UBAP1L: variants seen among roughly 807,000 people sequenced by gnomAD.
The protein encoded by UBAP1L is ubiquitin-associated protein 1-like.
In UBAP1L, 32 loss-of-function variants were observed where a neutral mutation model predicts 32.1. The observed-to-expected ratio is 1.00, with a 90% CI of 0.75 to 1.34. The LOEUF (loss-of-function observed/expected upper bound fraction) is 1.34. UBAP1L is among the 40% of genes most tolerant of loss of function. The pLI is 0.00. For synonymous variants in UBAP1L, 243 were observed against 250.2 expected, an observed-to-expected ratio of 0.97 and a Z score of 0.27; for missense variants, 516 against 540.5, an observed-to-expected ratio of 0.95 and a Z score of 0.45.
Position 65,102,816 on chromosome 15 carries a change from G to A in UBAP1L, c.121-132C>T, listed in dbSNP as rs1460084852. On this transcript the variant is annotated intron_variant, in intron 2 of 5. Transcript: ENST00000559089. The surrounding 1 kb of genome is among the most constrained non-coding windows in gnomAD (Gnocchi z 5.0). Reference sequence around the variant, plus strand: ...GGACAGCGTCAGATTCTGAGCCCCGGGCTTCCATCACAGCCCACTCTACCC... The same window carrying A: ...GGACAGCGTCAGATTCTGAGCCCCGAGCTTCCATCACAGCCCACTCTACCC... 1.2e-5 allele frequency: 10 copies of A among 829,450 alleles called. No individual in the cohort carries two copies. Among genetic ancestry groups the A allele is most frequent in the Non-Finnish European group, 1.8e-5 (10 of 561,014 alleles). The allele number at this position is 829,450 out of a possible 1,614,324, so 51.4% of individuals were successfully genotyped here. A position where few individuals can be genotyped will look rare whatever the true frequency, so the allele number is the denominator to read the frequency against.
intron 4 of UBAP1L, chr15:65,097,680 C>T (rs1426029426): frequency 6.6e-6 from 1 of 152,192 alleles, no homozygotes; most frequent in African/African-American, 2.4e-5. Flanking sequence ...GTTAGCACCC[C>T]TCCCTGCCAT....
At chr15:65,109,492 A>AC (rs1189452995) in intron 1 of UBAP1L, among the ~76,000 whole-genome samples, 112 of 151,096 alleles carry the variant, frequency 7.4e-4, no homozygotes, top group Admixed American at 3.4e-3. Flanking sequence ...CAAAAAAAAA[A>AC]AAAAAAAAAA....
At chr15:65,093,847 C>T (rs974892309) in intron 5 of UBAP1L, among the ~76,000 whole-genome samples, 2 of 152,020 alleles carry the variant, frequency 1.3e-5, no homozygotes, top group Admixed American at 6.6e-5. Flanking sequence ...CATTCGAGAC[C>T]AGCCTGGTCA....
intron 4 of UBAP1L, chr15:65,099,288 C>T: frequency 1.8e-6 from 1 of 566,600 alleles, no homozygotes; most frequent in Non-Finnish European, 3.2e-6. Context: ...TCAGGTCACC[C>T]CCTTCCCACA....
intron 2 of UBAP1L, chr15:65,104,831 C>A: frequency 3.3e-6 from 1 of 305,818 alleles, no homozygotes; most frequent in Non-Finnish European, 6.5e-6. Context: ...CATAGTGAAA[C>A]CCCATCTCTA....
At chr15:65,111,201 C>T (rs930635470) in intron 1 of UBAP1L, among the ~76,000 whole-genome samples, 1 of 152,224 alleles carries the variant, frequency 6.6e-6, no homozygotes, top group Non-Finnish European at 1.5e-5. Flanking sequence ...GCCCCATCAG[C>T]CAGTTCTTAC....
At chr15:65,112,856 C>T (rs28694781) in intron 1 of UBAP1L, among the ~76,000 whole-genome samples, 2 of 152,160 alleles carry the variant, frequency 1.3e-5, no homozygotes, top group Non-Finnish European at 2.9e-5. Flanking sequence ...ATCTCTGATA[C>T]TTTCCTCTCC....
intron 2 of UBAP1L, 154 bp downstream of exon 2, chr15:65,105,942 C>T (rs767218688): frequency 9.2e-7 from 1 of 1,090,326 alleles, no homozygotes; most frequent in Non-Finnish European, 1.3e-6. Flanking sequence ...AGGCACGCGT[C>T]ACCACACCCA....
chr15:65,096,616 T>G (rs1334542275), intron 4 of UBAP1L: 4 of 152,190 alleles, frequency 2.6e-5, no homozygotes, highest in Non-Finnish European at 4.4e-5. Flanking sequence ...GGTGAGGATG[T>G]CACCTTAAGG....
At chr15:65,095,702 G>T (rs530981352) in intron 4 of UBAP1L, 1 of 152,358 alleles carries the variant, frequency 6.6e-6, no homozygotes, top group South Asian at 2.1e-4. Flanking sequence ...GGAGAGTGGG[G>T]TTTCCGTAGA....
intron 4 of UBAP1L, chr15:65,096,448 T>C (rs934854321): frequency 1.3e-5 from 2 of 152,198 alleles, no homozygotes; most frequent in Non-Finnish European, 2.9e-5. Context: ...CTGCAAATTT[T>C]CTAAAATTAA....
chr15:65,099,415 G>T, intron 4 of UBAP1L, 90 bp downstream of exon 4: 1 of 1,359,336 alleles, frequency 7.4e-7, no homozygotes, highest in Non-Finnish European at 1.0e-6. Context: ...CTGTTGTTGG[G>T]CCTATGTCAC....
At chr15:65,099,218 A>G in intron 4 of UBAP1L, 1 of 395,574 alleles carries the variant, frequency 2.5e-6, no homozygotes, top group Non-Finnish European at 4.7e-6. Context: ...GAGAGCTGGG[A>G]GACACTCTTC....
Position 65,102,380 on chromosome 15 carries a change from A to G in UBAP1L, c.425T>C (p.Leu142Pro), listed in dbSNP as rs2087253220. 1 of 1,453,260 alleles carries G rather than the reference A, an allele frequency of 6.9e-7. No individual in the cohort carries two copies. The highest frequency in any genetic ancestry group is 9.0e-7 in the Non-Finnish European group (1 of 1,111,174). 90.0% of individuals were successfully genotyped at this position (1,453,260 alleles called of 1,614,324 possible). The change falls in exon 3 of 6, where the codon CTG becomes CCG. Residue 142 changes from leucine (L) to proline (P), a missense_variant. Leu to Pro is a moderately conservative substitution (Grantham distance 98). Transcript: ENST00000559089. This position sits in a 1 kb window ranked among gnomAD's most constrained non-coding sequence, Gnocchi z 5.0. Reference protein sequence around the residue: ...SPASPGPGRRLCSLDVLRGVR... With the variant: ...SPASPGPGRRPCSLDVLRGVR... ...GCCGCGTAGCACGTCCAGCGAGCAC[A>G]GGCGACGGCCGGGGCCGGGGCTCGC...
At chr15:65,108,554 G>A (rs1275966767) in intron 1 of UBAP1L, among the ~76,000 whole-genome samples, 1 of 151,948 alleles carries the variant, frequency 6.6e-6, no homozygotes, top group Non-Finnish European at 1.5e-5. Context: ...AGATGAGCAT[G>A]GGCAACAAAG....
At chr15:65,110,885 A>G (rs1397357309) in intron 1 of UBAP1L, among the ~76,000 whole-genome samples, 6 of 152,090 alleles carry the variant, frequency 3.9e-5, no homozygotes, top group Non-Finnish European at 7.4e-5. Context: ...CCCTGCCAGG[A>G]TGACGCAAAG....
intron 2 of UBAP1L, 150 bp downstream of exon 2, chr15:65,105,946 A>C (rs2087304740): frequency 8.8e-7 from 1 of 1,131,062 alleles, no homozygotes; most frequent in South Asian, 1.4e-5. Flanking sequence ...ACGCGTCACC[A>C]CACCCAGCTA....
At chr15:65,099,138 C>T (rs912346981) in intron 4 of UBAP1L, 6 of 208,292 alleles carry the variant, frequency 2.9e-5, no homozygotes, top group Admixed American at 1.6e-4. Flanking sequence ...GTAGAACCTG[C>T]GTGTGGTAGA....
At chr15:65,106,033 G>A in intron 2 of UBAP1L, 63 bp downstream of exon 2, 1 of 1,536,366 alleles carries the variant, frequency 6.5e-7, no homozygotes, top group Non-Finnish European at 8.8e-7. Context: ...CAAGGAACAA[G>A]GCCCCATGGA....
Sources: allele counts gnomAD v4.1 joint callset (sites outside exome capture counted in the v4.1 genomes callset), GRCh38; gene constraint gnomAD v4.1.1; non-coding constraint Gnocchi (gnomAD v3.1); transcripts MANE v1.5; gene names NCBI Gene and HGNC (gene_info 2026-07-23, HGNC 2026-07-21).